The following ADGRG1 variants were observed in gnomAD, a reference collection of about 807,000 sequenced individuals.
ADGRG1 encodes the protein 7-transmembrane protein with no EGF-like N-terminal domains-1.
In ADGRG1, 53 loss-of-function variants were observed where a neutral mutation model predicts 73.5. That is an observed-to-expected ratio of 0.72 (90% confidence interval 0.58 to 0.91). ADGRG1 has a LOEUF of 0.91. ADGRG1 is among the 40% of genes least tolerant of loss of function. The pLI, the probability that ADGRG1 is intolerant of heterozygous loss-of-function variation, is 0.00. For synonymous variants in ADGRG1, 394 were observed against 374.4 expected (o/e 1.05, Z -0.60); for missense variants, 795 against 871.8 (o/e 0.91, Z 1.11).
intron 4 of ADGRG1, 64 bp downstream of exon 4, chr16:57,653,399 G>A: frequency 6.3e-7 from 1 of 1,597,336 alleles, no homozygotes; most frequent in Non-Finnish European, 8.5e-7. Context: ...GACCTGGGCA[G>A]GGTGGGACCT....
chr16:57,648,396 C>T, intron 1 of ADGRG1: 1 of 945,756 alleles, frequency 1.1e-6, no homozygotes, highest in Non-Finnish European at 1.3e-6. Flanking sequence ...TCCTTCTTCT[C>T]AAAGGGCTCT....
chr16:57,657,287 A>T (rs2045967689), intron 9 of ADGRG1, 86 bp from the exon 10 acceptor site: 2 of 1,598,130 alleles, frequency 1.3e-6, no homozygotes, highest in African/African-American at 2.7e-5. Flanking sequence ...CCCACCAGGG[A>T]CCCCAGGTTA....
rs567369438 is a variant in ADGRG1 at position 57,630,503 on chromosome 16, T to C, written c.-36+1701T>C. The C allele has an allele frequency of 2.4e-5, 24 of 985,662 alleles. No homozygotes were observed. The South Asian group carries it at 8.5e-4, about 35-fold the overall frequency. 61.1% of individuals were successfully genotyped at this position (985,662 alleles called of 1,614,324 possible). A position where few individuals can be genotyped will look rare whatever the true frequency, so the allele number is the denominator to read the frequency against. On this transcript the variant is annotated intron_variant, in intron 1 of 13. Coordinates refer to ENST00000562631, the MANE Select transcript of ADGRG1 (RefSeq NM_201525.4). ...TGTGTAGGGGTGATCACAGCTGCCC[T>C]GGCTCCCGTAGGCCTGGGGCTTGGC...
At chr16:57,661,371 G>A (rs770628591) in intron 12 of ADGRG1, 40 of 984,988 alleles carry the variant, frequency 4.1e-5, no homozygotes, top group East Asian at 1.1e-4. Flanking sequence ...AACCCAAACC[G>A]GAAGCCAGGG....
rs962991228 is a variant in ADGRG1, at chr16:57,654,807, G to T, written c.769-592G>T. Reference sequence around the variant, plus strand: ...AGGCAGGAGAATCGCTTGAACCCGGGAGGCGGAGGTTGCAGTGAGCTGAGA... The same window carrying T: ...AGGCAGGAGAATCGCTTGAACCCGGTAGGCGGAGGTTGCAGTGAGCTGAGA... On this transcript the variant is annotated intron_variant, in intron 5 of 13. Coordinates refer to ENST00000562631, the MANE Select transcript of ADGRG1 (RefSeq NM_201525.4). 3.3e-5 allele frequency among the ~76,000 whole-genome samples: 5 copies of T among 152,184 alleles called. No homozygotes were observed. The East Asian group carries it at 7.7e-4, about 23-fold the overall frequency.
At chr16:57,647,502 A>G (rs923312016) in intron 1 of ADGRG1, 2 of 867,230 alleles carry the variant, frequency 2.3e-6, no homozygotes, top group Admixed American at 6.2e-5. Flanking sequence ...ACAGGTATCA[A>G]TTCATTTAAT....
At chr16:57,625,855 A>G (rs535609431), upstream of ADGRG1, among the ~76,000 whole-genome samples, 1 of 152,132 alleles carries the variant, frequency 6.6e-6, no homozygotes, top group Non-Finnish European at 1.5e-5. Flanking sequence ...GCATGGCTCC[A>G]TGCCCTACCT....
intron 13 of ADGRG1, among the ~76,000 whole-genome samples, chr16:57,662,708 T>G (rs1251749757): frequency 2.0e-5 from 3 of 151,158 alleles, no homozygotes; most frequent in Admixed American, 6.6e-5. Context: ...GGCGGAGAGG[T>G]GGGATCCCAG....
At chr16:57,630,477 G>A (rs773122114) in intron 1 of ADGRG1, 17 of 985,470 alleles carry the variant, frequency 1.7e-5, no homozygotes, top group Non-Finnish European at 1.9e-5. Flanking sequence ...TGCTAAATGG[G>A]TGTGTAGGGG....
At chr16:57,627,874 C>A (rs2036160881), upstream of ADGRG1, 1 of 976,354 alleles carries the variant, frequency 1.0e-6, no homozygotes, top group African/African-American at 1.7e-5. Context: ...TGGTCCATTT[C>A]CACACTTCTC....
intron 3 of ADGRG1, chr16:57,652,939 C>T (rs1482680986): frequency 3.7e-6 from 5 of 1,341,874 alleles, no homozygotes; most frequent in East Asian, 3.2e-5. Flanking sequence ...AAGGTGTCTG[C>T]GGAGGGTGCT....
At chr16:57,629,166 AAT>A in intron 1 of ADGRG1, 2 of 979,224 alleles carry the variant, frequency 2.0e-6, no homozygotes, top group South Asian at 4.8e-5. Flanking sequence ...GAAATGGGGA[AAT>A]GGGGGGGTCT....
At chr16:57,632,906 C>T in intron 1 of ADGRG1, 1 of 985,446 alleles carries the variant, frequency 1.0e-6, no homozygotes, top group Non-Finnish European at 1.2e-6. Flanking sequence ...CGGTGAATGG[C>T]TCTGGCTTGG....
intron 1 of ADGRG1, chr16:57,645,116 G>A (rs973168844): frequency 3.0e-6 from 3 of 984,472 alleles, no homozygotes; most frequent in African/African-American, 3.5e-5. Flanking sequence ...TCACCCTGCC[G>A]CCCGACCCCC....
intron 12 of ADGRG1, 108 bp from the exon 13 acceptor site, chr16:57,661,589 G>A (rs541571105): frequency 1.6e-4 from 243 of 1,523,216 alleles, no homozygotes; most frequent in Non-Finnish European, 1.8e-4. Flanking sequence ...GAAAACAAGC[G>A]CACTTGCTGT....
chr16:57,623,557 A>T (rs1334217200), upstream of ADGRG1, among the ~76,000 whole-genome samples: 1 of 152,216 alleles, frequency 6.6e-6, no homozygotes, highest in East Asian at 1.9e-4. Flanking sequence ...CTGAAGCACC[A>T]CTAGATTTGT....
At chr16:57,631,465 C>T (rs969097780) in intron 1 of ADGRG1, 4 of 985,358 alleles carry the variant, frequency 4.1e-6, no homozygotes, top group Non-Finnish European at 3.6e-6. Context: ...GTGGGGAAGT[C>T]GGGTGGAAGT....
chr16:57,659,205 A>C, intron 10 of ADGRG1: 1 of 985,050 alleles, frequency 1.0e-6, no homozygotes, highest in Non-Finnish European at 1.2e-6. Flanking sequence ...GTGGTGCCTG[A>C]GTCTGTGGGT....
intron 1 of ADGRG1, chr16:57,631,516 A>G: frequency 1.0e-6 from 1 of 985,566 alleles, no homozygotes; most frequent in Non-Finnish European, 1.2e-6. Flanking sequence ...CCCAAACCCC[A>G]GCACCACCTC....
Sources: gnomAD v4.1 joint callset for allele counts (sites outside exome capture counted in the v4.1 genomes callset) on GRCh38, gnomAD v4.1.1 for gene constraint, MANE v1.5 for transcripts, NCBI Gene and HGNC (gene_info 2026-07-23, HGNC 2026-07-21) for gene names.